Variants in TBC1D32 observed in about 807,000 individuals in gnomAD.
TBC1D32 encodes the protein TBC1 domain family member 32.
Under a neutral mutation model 170.3 loss-of-function variants are expected in TBC1D32, and 151 were observed. That is an observed-to-expected ratio of 0.89 (90% CI 0.78 to 1.01). The LOEUF (loss-of-function observed/expected upper bound fraction) is 1.01, where lower values mean the gene tolerates loss of function less well. TBC1D32 is among the 50% of genes least tolerant of loss of function. The pLI, the probability that TBC1D32 is intolerant of heterozygous loss-of-function variation, is 0.00. For synonymous variants in TBC1D32, 498 were observed against 488.0 expected (o/e 1.02, Z -0.27); for missense variants, 1,464 against 1,457.1 (o/e 1.00, Z -0.08).
intron 30 of TBC1D32, among the ~76,000 whole-genome samples, chr6:121,092,247 G>A (rs1366791770): frequency 1.4e-5 from 2 of 139,540 alleles, no homozygotes; most frequent in Non-Finnish European, 3.1e-5. Context: ...CTTTACCTTC[G>A]ACAAAAGATT....
chr6:121,233,144 G>A (rs1436582989), intron 20 of TBC1D32, among the ~76,000 whole-genome samples: 4 of 152,006 alleles, frequency 2.6e-5, no homozygotes, highest in Admixed American at 6.6e-5. Context: ...GTCTATCTTG[G>A]AGGATGTTCT....
At chr6:121,246,886 A>G (rs779246059) in intron 17 of TBC1D32, among the ~76,000 whole-genome samples, 1 of 151,982 alleles carries the variant, frequency 6.6e-6, no homozygotes, top group Non-Finnish European at 1.5e-5. Flanking sequence ...AAACCTATGA[A>G]TAACTGGTGT....
At chr6:121,188,178 T>A (rs1789453155) in intron 22 of TBC1D32, among the ~76,000 whole-genome samples, 1 of 152,124 alleles carries the variant, frequency 6.6e-6, no homozygotes, top group Non-Finnish European at 1.5e-5. Flanking sequence ...TGTTCTGAAA[T>A]TGAGTGACTC....
intron 9 of TBC1D32, among the ~76,000 whole-genome samples, 161 bp from the exon 10 acceptor site, chr6:121,299,666 G>A (rs1426805205): frequency 1.3e-5 from 2 of 152,074 alleles, no homozygotes; most frequent in African/African-American, 4.8e-5. Context: ...ATTGTATTAG[G>A]AGCAAAGCAA....
intron 21 of TBC1D32, among the ~76,000 whole-genome samples, chr6:121,218,963 T>C (rs1253338770): frequency 3.3e-5 from 5 of 152,188 alleles, no homozygotes; most frequent in Non-Finnish European, 5.9e-5. Flanking sequence ...GAACTGTGAG[T>C]CAACTAAACC....
chr6:121,330,461 G>GTA (rs1811065549), intron 1 of TBC1D32, among the ~76,000 whole-genome samples: 1 of 152,152 alleles, frequency 6.6e-6, no homozygotes, highest in South Asian at 2.1e-4. Context: ...TGGTCCCTCT[G>GTA]TATCAAAAAC....
chr6:121,206,964 T>C (rs942893628), intron 21 of TBC1D32, among the ~76,000 whole-genome samples: 96 of 152,190 alleles, frequency 6.3e-4, no homozygotes, highest in Non-Finnish European at 2.1e-4. Flanking sequence ...GCCACAGAGA[T>C]TGCTATGACT....
At position 121,235,587 on chromosome 6, in the gene TBC1D32, G is replaced by A. The variant is rs138283692; in HGVS notation, c.2364+3483C>T. 1.5e-3 allele frequency among the ~76,000 whole-genome samples: 231 copies of A among 152,240 alleles called. 1 individual carries two copies. The highest frequency in any genetic ancestry group is 4.7e-3 in the African/African-American group (195 of 41,536). ...CATGCAGCTGACAGTCCTAAATGCC[G>A]GTCTCACTCCTATCTTGCCCCTCAA... On this transcript the variant is annotated intron_variant, in intron 20 of 31. Coordinates refer to ENST00000398212, the MANE Select transcript of TBC1D32 (RefSeq NM_152730.6).
intron 21 of TBC1D32, among the ~76,000 whole-genome samples, chr6:121,212,256 A>G (rs540218871): frequency 2.6e-5 from 4 of 152,228 alleles, no homozygotes; most frequent in South Asian, 4.2e-4. Flanking sequence ...AAAAAAGCCC[A>G]GGACCAGGTG....
chr6:121,266,516 G>C (rs942359100), intron 15 of TBC1D32, among the ~76,000 whole-genome samples: 8 of 152,102 alleles, frequency 5.3e-5, no homozygotes, highest in Non-Finnish European at 2.9e-5. Context: ...ATTCCTCAAG[G>C]ATCTAGACGC....
At chr6:121,301,830 A>G (rs1806526296) in intron 9 of TBC1D32, among the ~76,000 whole-genome samples, 1 of 151,530 alleles carries the variant, frequency 6.6e-6, no homozygotes, top group Non-Finnish European at 1.5e-5. Context: ...AGGTTTTGCT[A>G]TGTTGGCCAA....
intron 14 of TBC1D32, among the ~76,000 whole-genome samples, chr6:121,281,004 A>T (rs1802910941): frequency 6.6e-6 from 1 of 151,870 alleles, no homozygotes. Flanking sequence ...GTCTGACCTA[A>T]AGCAAGTCAC....
intron 24 of TBC1D32, among the ~76,000 whole-genome samples, chr6:121,137,783 G>T (rs1403837142): frequency 6.6e-6 from 1 of 151,852 alleles, no homozygotes; most frequent in African/African-American, 2.4e-5. Flanking sequence ...CATTTCAAGG[G>T]GAGGGAAACA....
intron 21 of TBC1D32, among the ~76,000 whole-genome samples, chr6:121,212,388 A>C (rs2128313669): frequency 6.6e-6 from 1 of 151,936 alleles, no homozygotes; most frequent in East Asian, 1.9e-4. Flanking sequence ...CTATGAGGCC[A>C]GCATCATTCT....
intron 22 of TBC1D32, among the ~76,000 whole-genome samples, chr6:121,187,467 T>C (rs1381175905): frequency 6.6e-6 from 1 of 152,252 alleles, no homozygotes; most frequent in East Asian, 1.9e-4. Context: ...GAGTTTTCCC[T>C]ACTGCCAGCT....
intron 21 of TBC1D32, among the ~76,000 whole-genome samples, chr6:121,220,436 T>C (rs1164767826): frequency 1.3e-5 from 2 of 152,118 alleles, no homozygotes; most frequent in Non-Finnish European, 2.9e-5. Context: ...CTCTTTAGTT[T>C]TACGAAGGCT....
At chr6:121,286,531 G>A (rs139744185) in intron 12 of TBC1D32, among the ~76,000 whole-genome samples, 4,443 of 151,272 alleles carry the variant, frequency 0.029, 172 homozygotes, top group East Asian at 0.11. Context: ...TCTGATTGGT[G>A]TACCTGAAAG....
At chr6:121,155,394 T>A (rs1191544000) in intron 24 of TBC1D32, among the ~76,000 whole-genome samples, 1 of 152,166 alleles carries the variant, frequency 6.6e-6, no homozygotes, top group African/African-American at 2.4e-5. Flanking sequence ...CCTAGGGTCC[T>A]TTTATTAGAA....
intron 21 of TBC1D32, among the ~76,000 whole-genome samples, chr6:121,218,000 A>T (rs947323105): frequency 6.6e-6 from 1 of 152,212 alleles, no homozygotes; most frequent in African/African-American, 2.4e-5. Flanking sequence ...AGAAAACATT[A>T]CATTCAGTTG....
Sources: gnomAD v4.1 joint callset for allele counts (sites outside exome capture counted in the v4.1 genomes callset) on GRCh38, gnomAD v4.1.1 for gene constraint, MANE v1.5 for transcripts, NCBI Gene and HGNC (gene_info 2026-07-23, HGNC 2026-07-21) for gene names.